The following CDH2 variants were observed in gnomAD, a reference collection of about 807,000 sequenced individuals.
CDH2 encodes the protein cadherin-2.
A neutral mutation model predicts 92.0 loss-of-function variants in CDH2; 17 were observed. The ratio of observed to expected loss-of-function variants is 0.18; its 90% CI spans 0.13 to 0.28. CDH2 has a LOEUF of 0.28. CDH2 is among the 10% of genes least tolerant of loss of function. The probability of loss-of-function intolerance (pLI) is 1.00; values close to 1 mark genes in which losing one functional copy is unlikely to be tolerated. For synonymous variants in CDH2, 419 were observed against 415.9 expected (o/e 1.01, Z -0.09); for missense variants, 862 against 1,133.1 (o/e 0.76, Z 3.44).
At chr18:28,097,444 C>T (rs374171557) in intron 2 of CDH2, among the ~76,000 whole-genome samples, 1 of 151,368 alleles carries the variant, frequency 6.6e-6, no homozygotes, top group Non-Finnish European at 1.5e-5. Flanking sequence ...GCATTTTGTT[C>T]TTGCAAGTGC....
intron 2 of CDH2, among the ~76,000 whole-genome samples, chr18:28,109,261 G>A (rs1343360807): frequency 6.6e-6 from 1 of 152,136 alleles, no homozygotes; most frequent in East Asian, 1.9e-4. Context: ...GTGACCACAA[G>A]TAAGCTTTTT....
chr18:28,156,594 A>G (rs1050878979), intron 1 of CDH2, among the ~76,000 whole-genome samples: 5 of 134,380 alleles, frequency 3.7e-5, no homozygotes, highest in African/African-American at 1.5e-4. Flanking sequence ...CTTCCCAGGT[A>G]CAGCATGTCA....
intron 2 of CDH2, among the ~76,000 whole-genome samples, chr18:28,036,250 T>C (rs1490548498): frequency 6.6e-6 from 1 of 152,176 alleles, no homozygotes; most frequent in Admixed American, 6.6e-5. Context: ...ACATTCATTT[T>C]TTTAAATCAT....
intron 2 of CDH2, among the ~76,000 whole-genome samples, chr18:28,050,555 TG>T (rs11311761): frequency 0.013 from 2,045 of 152,324 alleles, 52 homozygotes; most frequent in African/African-American, 0.047. Context: ...CCACAGCTAA[TG>T]GGCTGCAGTT....
intron 2 of CDH2, among the ~76,000 whole-genome samples, chr18:28,135,892 T>A (rs1341431085): frequency 6.6e-6 from 1 of 152,172 alleles, no homozygotes; most frequent in African/African-American, 2.4e-5. Flanking sequence ...TGCCACAAAT[T>A]ATGCATATTT....
chr18:28,130,626 T>C lies in CDH2; in HGVS notation c.172+17047A>G, dbSNP rs545506284. 2.0e-5 allele frequency among the ~76,000 whole-genome samples: 3 copies of C among 152,226 alleles called. No individual in the cohort carries two copies. The East Asian group carries it at 5.8e-4, about 29-fold the overall frequency. On this transcript the variant is annotated intron_variant, in intron 2 of 15. Transcript: ENST00000269141. ...ACAAGTCCTGAGAAAATGGAGCGCATCCAGATGTGCGCATGGCTGCTGAGC... is the reference window on the plus strand; with the variant it reads ...ACAAGTCCTGAGAAAATGGAGCGCACCCAGATGTGCGCATGGCTGCTGAGC...
chr18:28,043,461 A>AATATATATATATATATATATATATATAT (rs1158754890), intron 2 of CDH2, among the ~76,000 whole-genome samples: 40 of 71,934 alleles, frequency 5.6e-4, no homozygotes, highest in Admixed American at 1.0e-3. Flanking sequence ...GATATAAATA[A>AATATATATATATATATATATATATATAT]ATATATATAT....
At chr18:27,953,360 C>T (rs1462405950) in intron 15 of CDH2, among the ~76,000 whole-genome samples, 5 of 152,048 alleles carry the variant, frequency 3.3e-5, no homozygotes, top group African/African-American at 1.2e-4. Flanking sequence ...GTATTAGGTC[C>T]TCTGGTATAT....
chr18:28,091,011 G>T (rs891395834), intron 2 of CDH2, among the ~76,000 whole-genome samples: 1 of 152,084 alleles, frequency 6.6e-6, no homozygotes, highest in Non-Finnish European at 1.5e-5. Flanking sequence ...CTAGTCCTCC[G>T]GGCAGTTTAC....
intron 6 of CDH2, among the ~76,000 whole-genome samples, chr18:27,945,543 C>T (rs556270663): frequency 9.9e-5 from 15 of 151,858 alleles, no homozygotes; most frequent in Non-Finnish European, 1.6e-4. Flanking sequence ...GATACTTTCT[C>T]CCCCCAGTAA....
intron 14 of CDH2, among the ~76,000 whole-genome samples, chr18:27,977,165 T>TATG (rs35035715): frequency 0.98 from 148,393 of 152,164 alleles, 72,466 homozygotes; most frequent in Middle Eastern, 1. Flanking sequence ...AGAGACTAGA[T>TATG]ATACTAAAAG....
At chr18:28,046,405 T>C (rs2014077118) in intron 2 of CDH2, among the ~76,000 whole-genome samples, 2 of 152,220 alleles carry the variant, frequency 1.3e-5, no homozygotes, top group Non-Finnish European at 2.9e-5. Flanking sequence ...AAAATGTTGA[T>C]AGTTATGCTA....
At position 27,951,594 on chromosome 18, in the gene CDH2, C is replaced by T. The variant is rs1442154040; in HGVS notation, c.*559G>A. On this transcript the variant is annotated 3_prime_UTR_variant, in exon 16 of 16. Transcript: ENST00000269141. ...ATATGAAAACTCCCTTTATTTGCAACCAGCTGAGTAAGTTTTAAGATTTTA... is the reference window on the plus strand; with the variant it reads ...ATATGAAAACTCCCTTTATTTGCAATCAGCTGAGTAAGTTTTAAGATTTTA... 6.7e-6 allele frequency: 1 copy of T among 148,948 alleles called. No individual in the cohort carries two copies. Among genetic ancestry groups the T allele is most frequent in the South Asian group, 2.1e-4 (1 of 4,710 alleles). 9.2% of individuals were successfully genotyped at this position (148,948 alleles called of 1,614,324 possible). A position where few individuals can be genotyped will look rare whatever the true frequency, so the allele number is the denominator to read the frequency against.
chr18:27,945,640 T>C (rs1909251694), intron 6 of CDH2, among the ~76,000 whole-genome samples: 3 of 152,242 alleles, frequency 2.0e-5, no homozygotes, highest in African/African-American at 7.2e-5. Flanking sequence ...GTCTCTTCTT[T>C]TTAATACCAT....
Position 27,952,156 on chromosome 18 carries a change from G to A in CDH2, c.2718C>T (p.Asp906=). The A allele has an allele frequency of 1.2e-6, 2 of 1,613,020 alleles. No homozygotes were observed. The highest frequency in any genetic ancestry group is 1.7e-6 in the Non-Finnish European group (2 of 1,179,184). Residue 906 remains aspartate, a synonymous_variant, in exon 16 of 16, where the codon GAC becomes GAT. Transcript: ENST00000269141. ...KLADMYGGGD[D] ...AAAACCAAGTTCACCCTGAAGTTCA[G>A]TCATCACCTCCACCATACATGTCAG...
intron 2 of CDH2, among the ~76,000 whole-genome samples, chr18:28,043,495 A>ATATATATATATATATATATATAT (rs1567976503): frequency 1.1e-5 from 1 of 87,404 alleles, no homozygotes; most frequent in South Asian, 3.3e-4. Context: ...TATATATATA[A>ATATATATATATATATATATATAT]ATATATATAT....
At chr18:28,099,636 G>A (rs892433484) in intron 2 of CDH2, among the ~76,000 whole-genome samples, 3 of 151,764 alleles carry the variant, frequency 2.0e-5, no homozygotes, top group African/African-American at 7.3e-5. Context: ...AAGGAGTTAG[G>A]GAGAAGAGCA....
chr18:28,041,231 A>C (rs1170557287), intron 2 of CDH2, among the ~76,000 whole-genome samples: 2 of 152,216 alleles, frequency 1.3e-5, no homozygotes, highest in Admixed American at 1.3e-4. Flanking sequence ...TACATTCTTC[A>C]AACAATCACT....
At chr18:28,081,905 A>G (rs892075795) in intron 2 of CDH2, among the ~76,000 whole-genome samples, 3 of 152,176 alleles carry the variant, frequency 2.0e-5, no homozygotes, top group African/African-American at 7.2e-5. Context: ...CAAATTATAT[A>G]ACATAAGCCG....
Sources: allele counts gnomAD v4.1 joint callset (sites outside exome capture counted in the v4.1 genomes callset), GRCh38; gene constraint gnomAD v4.1.1; transcripts MANE v1.5; gene names NCBI Gene and HGNC (gene_info 2026-07-23, HGNC 2026-07-21).